The following TMPRSS12 variants were observed in gnomAD, a reference collection of about 807,000 sequenced individuals.
The protein encoded by TMPRSS12 is transmembrane protease serine 12.
A neutral mutation model predicts 26.0 loss-of-function variants in TMPRSS12; 25 were observed. The observed-to-expected ratio is 0.96, with a 90% confidence interval of 0.70 to 1.34. The LOEUF is 1.34. TMPRSS12 is among the 40% of genes most tolerant of loss of function. The pLI is 0.00. For missense variants in TMPRSS12, 441 were observed against 440.1 expected, an observed-to-expected ratio of 1.00 and a Z score of -0.02; for synonymous variants, 150 against 161.7, an observed-to-expected ratio of 0.93 and a Z score of 0.55.
At chr12:50,876,780 G>C (rs1433401931) in intron 3 of TMPRSS12, among the ~76,000 whole-genome samples, 1 of 136,792 alleles carries the variant, frequency 7.3e-6, no homozygotes, top group African/African-American at 2.8e-5. Context: ...CTCCAGCCTG[G>C]GTGACAGATC....
intron 3 of TMPRSS12, among the ~76,000 whole-genome samples, chr12:50,870,541 C>A (rs1384006366): frequency 6.6e-6 from 1 of 152,062 alleles, no homozygotes; most frequent in African/African-American, 2.4e-5. Context: ...AGAACTGGAA[C>A]AAGACAAGGA....
intron 2 of TMPRSS12, among the ~76,000 whole-genome samples, chr12:50,858,563 TA>T (rs574735321): frequency 4.3e-4 from 66 of 152,340 alleles, no homozygotes; most frequent in Non-Finnish European, 8.4e-4. Flanking sequence ...AATAACATAT[TA>T]AATTCTCATG....
intron 3 of TMPRSS12, among the ~76,000 whole-genome samples, chr12:50,872,471 C>T (rs1254359277): frequency 1.5e-5 from 2 of 136,220 alleles, no homozygotes; most frequent in Admixed American, 1.5e-4. Context: ...CGAGATTGCG[C>T]CACTGCAGTC....
In TMPRSS12 at chr12:50,843,100, G is replaced by GCCGT. The variant is rs759741605; in HGVS notation, c.140_143dup (p.Lys49ProfsTer23). The GCCGT allele has an allele frequency of 6.3e-6, 10 of 1,580,406 alleles. No individual in the cohort carries two copies. The East Asian group carries it at 2.1e-4, about 33-fold the overall frequency. On this transcript the variant is annotated frameshift_variant, in exon 1 of 5. Coordinates refer to ENST00000398458, the MANE Select transcript of TMPRSS12 (RefSeq NM_182559.3). LOFTEE classifies it high-confidence loss of function. ...GGCGGCTAGTTCCCAGCAGGCTGAG[G>GCCGT]CCGTCCGCAAGAGGCTCCGGCGGCG...
chr12:50,885,463 CTT>C, intron 4 of TMPRSS12, 75 bp downstream of exon 4: 1 of 1,541,182 alleles, frequency 6.5e-7, no homozygotes, highest in Non-Finnish European at 9.0e-7. Context: ...CCTTTGATAA[CTT>C]TCTGGTGGTC....
chr12:50,842,935 C>T lies in TMPRSS12; in HGVS notation c.-30C>T. ...CGTGCCCAGGGCGGGTGGGAAGTAC[C>T]TGCCGCCATCTTGCTCACCAGCCTC... On this transcript the variant is annotated 5_prime_UTR_variant, in exon 1 of 5. Coordinates refer to ENST00000398458, the MANE Select transcript of TMPRSS12 (RefSeq NM_182559.3). 1 of 1,541,758 alleles carries T rather than the reference C, an allele frequency of 6.5e-7. No individual in the cohort carries two copies. Among genetic ancestry groups the T allele is most frequent in the Admixed American group, 2.0e-5 (1 of 50,936 alleles).
intron 2 of TMPRSS12, among the ~76,000 whole-genome samples, chr12:50,852,881 G>A (rs1266963710): frequency 3.3e-5 from 5 of 152,136 alleles, no homozygotes; most frequent in Admixed American, 6.5e-5. Context: ...AATAATAGTG[G>A]GAGACTTTAA....
chr12:50,848,299 T>G (rs1445565562), intron 2 of TMPRSS12: 1 of 152,192 alleles, frequency 6.6e-6, no homozygotes, highest in African/African-American at 2.4e-5. Flanking sequence ...CCTCATCGAC[T>G]TCCTGCTGGC....
At chr12:50,853,611 GAGA>G (rs1397298326) in intron 2 of TMPRSS12, among the ~76,000 whole-genome samples, 2 of 141,296 alleles carry the variant, frequency 1.4e-5, no homozygotes, top group Admixed American at 7.0e-5. Flanking sequence ...AAGAAGGAGA[GAGA>G]AGATCCAAAT....
chr12:50,863,010 T>C (rs192518546), intron 3 of TMPRSS12, among the ~76,000 whole-genome samples: 4 of 151,834 alleles, frequency 2.6e-5, no homozygotes, highest in African/African-American at 7.2e-5. Flanking sequence ...CTGAGCAACA[T>C]AGGGAGACCT....
intron 4 of TMPRSS12, chr12:50,886,416 T>C (rs183309018): frequency 6.6e-6 from 1 of 152,328 alleles, no homozygotes. Context: ...GAGTAACCCA[T>C]GCTCTCACCT....
chr12:50,853,935 A>C (rs774791862), intron 2 of TMPRSS12, among the ~76,000 whole-genome samples: 6 of 152,184 alleles, frequency 3.9e-5, no homozygotes, highest in Middle Eastern at 3.4e-3. Flanking sequence ...AAAACTATTC[A>C]AAAAAATTGG....
At chr12:50,868,698 T>C (rs184404677) in intron 3 of TMPRSS12, among the ~76,000 whole-genome samples, 1 of 152,310 alleles carries the variant, frequency 6.6e-6, no homozygotes, top group Non-Finnish European at 1.5e-5. Flanking sequence ...GAATACACTT[T>C]CTATTCAACA....
At chr12:50,859,218 C>A (rs1162988248) in intron 3 of TMPRSS12, among the ~76,000 whole-genome samples, 165 bp downstream of exon 3, 1 of 135,452 alleles carries the variant, frequency 7.4e-6, no homozygotes, top group Non-Finnish European at 1.7e-5. Context: ...TTTTATGGTA[C>A]CTTTTTTTTT....
chr12:50,843,252 C>G, intron 1 of TMPRSS12, 101 bp downstream of exon 1: 1 of 1,304,336 alleles, frequency 7.7e-7, no homozygotes, highest in Non-Finnish European at 1.0e-6. Context: ...GTCCCAATGG[C>G]CTTTAACCAA....
At chr12:50,857,978 G>A (rs1451303010) in intron 2 of TMPRSS12, among the ~76,000 whole-genome samples, 1 of 151,974 alleles carries the variant, frequency 6.6e-6, no homozygotes, top group Non-Finnish European at 1.5e-5. Context: ...ACAGGTGTCC[G>A]CCATCACGCC....
At chr12:50,860,447 A>C (rs1937923864) in intron 3 of TMPRSS12, among the ~76,000 whole-genome samples, 1 of 151,946 alleles carries the variant, frequency 6.6e-6, no homozygotes, top group Non-Finnish European at 1.5e-5. Context: ...TGGGGGTCTC[A>C]CTCTGTCTCT....
intron 2 of TMPRSS12, among the ~76,000 whole-genome samples, chr12:50,848,931 C>T (rs930083445): frequency 1.3e-5 from 2 of 152,246 alleles, no homozygotes; most frequent in East Asian, 1.9e-4. Flanking sequence ...GTAGCACAGT[C>T]TTGGCTCACT....
At chr12:50,854,554 A>T (rs780864828) in intron 2 of TMPRSS12, among the ~76,000 whole-genome samples, 7 of 152,190 alleles carry the variant, frequency 4.6e-5, no homozygotes, top group African/African-American at 2.4e-5. Context: ...CTATACCTAG[A>T]AAACCCTATA....
Sources: gnomAD v4.1 joint callset for allele counts (sites outside exome capture counted in the v4.1 genomes callset) on GRCh38, gnomAD v4.1.1 for gene constraint, MANE v1.5 for transcripts, NCBI Gene and HGNC (gene_info 2026-07-23, HGNC 2026-07-21) for gene names.